EIF4G3: variants seen among roughly 807,000 people sequenced by gnomAD.
EIF4G3 encodes eukaryotic translation initiation factor 4 gamma 3.
EIF4G3 carries 34 observed loss-of-function variants against 186.4 expected under a neutral mutation model. The observed-to-expected ratio is 0.18, with a 90% CI of 0.14 to 0.24. The LOEUF is 0.24. Ranked by LOEUF, EIF4G3 falls within the 10% of genes least tolerant of loss-of-function variation. The pLI, the probability that EIF4G3 is intolerant of heterozygous loss-of-function variation, is 1.00. For missense variants in EIF4G3, 1,536 were observed against 1,948.5 expected (o/e 0.79, Z 3.99); for synonymous variants, 673 against 679.5 (o/e 0.99, Z 0.15).
At chr1:20,999,801 C>T (rs973637576) in intron 6 of EIF4G3, 4 of 414,604 alleles carry the variant, frequency 9.6e-6, no homozygotes, top group African/African-American at 4.2e-5. Context: ...AAACTGTAGT[C>T]GCTGCTGGCT....
chr1:20,853,488 C>A, intron 27 of EIF4G3, 72 bp downstream of exon 27: 3 of 973,758 alleles, frequency 3.1e-6, no homozygotes, highest in South Asian at 1.4e-5. Context: ...TATCAAAACC[C>A]TTGTTCTTAT....
intron 2 of EIF4G3, among the ~76,000 whole-genome samples, chr1:21,151,898 C>T (rs891745108): frequency 1.3e-5 from 2 of 152,142 alleles, no homozygotes; most frequent in African/African-American, 2.4e-5. Context: ...GAGATTCATC[C>T]TAATCCCTGT....
At chr1:20,844,458 C>T (rs2069941965) in intron 29 of EIF4G3, among the ~76,000 whole-genome samples, 1 of 151,556 alleles carries the variant, frequency 6.6e-6, no homozygotes, top group South Asian at 2.1e-4. Context: ...CCTTTGAGTA[C>T]TGTCTGTTCA....
At chr1:20,914,006 C>T (rs925525855) in intron 14 of EIF4G3, among the ~76,000 whole-genome samples, 1 of 151,774 alleles carries the variant, frequency 6.6e-6, no homozygotes, top group Non-Finnish European at 1.5e-5. Context: ...GACGGGGTTT[C>T]ACCGTGTTAG....
Position 20,941,623 on chromosome 1 carries a change from C to G in EIF4G3, c.1531G>C (p.Asp511His). The change falls in exon 14 of 37, where the codon GAC (aspartate) becomes CAC (histidine). Residue 511 changes from aspartate to histidine, a missense_variant. Asp to His is a moderately conservative substitution (Grantham distance 81, BLOSUM62 -1). Transcript: ENST00000602326. The stretch of plus-strand genomic sequence containing the variant: ...CTAAGGCAAGTTCTTATGCTCTCGT[C>G]CTCCTCTAGGACTCTCTGGACTGTG... ...AITVQRVLEE[D>H]ESIRTCLSED... 1 of 1,614,204 alleles carries G rather than the reference C, an allele frequency of 6.2e-7. No homozygotes were observed. Among genetic ancestry groups the G allele is most frequent in the Non-Finnish European group, 8.5e-7 (1 of 1,180,046 alleles).
chr1:21,073,460 C>T (rs1318106693), intron 3 of EIF4G3, among the ~76,000 whole-genome samples: 1 of 152,210 alleles, frequency 6.6e-6, no homozygotes, highest in Non-Finnish European at 1.5e-5. Flanking sequence ...AGGAGGCTCC[C>T]ACCTTAAGGC....
chr1:21,002,615 C>T (rs2083819415), intron 5 of EIF4G3, 98 bp downstream of exon 5: 1 of 1,287,798 alleles, frequency 7.8e-7, no homozygotes, highest in Admixed American at 2.5e-5. Context: ...GAACAAACTT[C>T]CAAAATCCAG....
chr1:20,851,514 C>T (rs768867518), intron 27 of EIF4G3, 36 bp from the exon 28 acceptor site: 12 of 1,592,160 alleles, frequency 7.5e-6, no homozygotes, highest in Admixed American at 1.7e-5. Context: ...AAAGGAAAGA[C>T]AAGCCCATGT....
chr1:21,151,236 CTTTTTTT>C (rs71014161), intron 2 of EIF4G3, among the ~76,000 whole-genome samples: 1 of 80,410 alleles, frequency 1.2e-5, no homozygotes, highest in Non-Finnish European at 2.2e-5. Flanking sequence ...GTATTTCTTT[CTTTTTTT>C]TTTTTTTTTT....
At chr1:20,895,306 C>A (rs2087588401) in intron 17 of EIF4G3, 62 bp downstream of exon 17, 1 of 1,547,944 alleles carries the variant, frequency 6.5e-7, no homozygotes, top group Non-Finnish European at 8.8e-7. Context: ...CACATATTTG[C>A]TCTTATAGTT....
At chr1:20,917,768 A>G (rs1409428147) in intron 14 of EIF4G3, among the ~76,000 whole-genome samples, 3 of 152,166 alleles carry the variant, frequency 2.0e-5, no homozygotes, top group Admixed American at 1.3e-4. Context: ...TACATCAACT[A>G]TACCTCAATA....
intron 12 of EIF4G3, among the ~76,000 whole-genome samples, chr1:20,962,610 C>T (rs537715441): frequency 6.6e-6 from 1 of 152,306 alleles, no homozygotes; most frequent in Admixed American, 6.5e-5. Flanking sequence ...GCCAGCATCA[C>T]TGGTGGCACT....
At chr1:21,143,884 C>T (rs2097386992) in intron 2 of EIF4G3, among the ~76,000 whole-genome samples, 3 of 151,960 alleles carry the variant, frequency 2.0e-5, no homozygotes, top group South Asian at 4.2e-4. Flanking sequence ...ATCATGCCAC[C>T]GCACTCCAGC....
chr1:21,174,972 A>C (rs1469316734), intron 2 of EIF4G3: 7 of 152,236 alleles, frequency 4.6e-5, no homozygotes, highest in Non-Finnish European at 8.8e-5. Context: ...CCCTTCTCAA[A>C]GTAATCTATA....
intron 4 of EIF4G3, among the ~76,000 whole-genome samples, chr1:21,045,339 A>G (rs1398070151): frequency 6.6e-6 from 1 of 152,188 alleles, no homozygotes; most frequent in African/African-American, 2.4e-5. Context: ...CGATCAAGCA[A>G]TACTCCTCAG....
At chr1:20,928,231 TACA>T (rs1196113918) in intron 14 of EIF4G3, among the ~76,000 whole-genome samples, 19 of 152,314 alleles carry the variant, frequency 1.2e-4, no homozygotes, top group African/African-American at 4.6e-4. Flanking sequence ...AATTTATTTA[TACA>T]ACAATAGCAT....
At chr1:21,115,730 T>G (rs2096806815) in intron 2 of EIF4G3, among the ~76,000 whole-genome samples, 1 of 151,828 alleles carries the variant, frequency 6.6e-6, no homozygotes, top group Admixed American at 6.6e-5. Flanking sequence ...TGTTGTTGTT[T>G]TTAAAGAAAC....
At position 21,115,847 on chromosome 1, in the gene EIF4G3, T is replaced by C. The variant is rs114171188; in HGVS notation, c.-271-26634A>G. On this transcript the variant is annotated intron_variant, in intron 2 of 36. Transcript: ENST00000602326. ...TCCTCCTGCCTCAGTCTCCCAAGTA[T>C]CTAGGAATATACAGGTAGGGACCAC... 8.9e-3 allele frequency among the ~76,000 whole-genome samples: 1,361 copies of C among 152,144 alleles called. 11 individuals carry two copies. The highest frequency in any genetic ancestry group is 0.013 in the Non-Finnish European group (892 of 67,982).
intron 29 of EIF4G3, among the ~76,000 whole-genome samples, chr1:20,848,426 C>T (rs2071974330): frequency 6.6e-6 from 1 of 152,158 alleles, no homozygotes; most frequent in African/African-American, 2.4e-5. Context: ...TGGATTTCTC[C>T]TAAGACCTAT....
Sources: allele counts gnomAD v4.1 joint callset (sites outside exome capture counted in the v4.1 genomes callset), GRCh38; gene constraint gnomAD v4.1.1; transcripts MANE v1.5; gene names NCBI Gene and HGNC (gene_info 2026-07-23, HGNC 2026-07-21).